MRC1: variants seen among roughly 807,000 people sequenced by gnomAD.
MRC1 encodes the protein macrophage mannose receptor 1.
A neutral mutation model predicts 102.9 loss-of-function variants in MRC1; 62 were observed. That is an observed-to-expected ratio of 0.60 (90% CI 0.49 to 0.74). The LOEUF (loss-of-function observed/expected upper bound fraction) is 0.74. MRC1 is among the 30% of genes least tolerant of loss of function. The pLI is 0.00. For synonymous variants in MRC1, 457 were observed against 298.4 expected (o/e 1.53, Z -5.48); for missense variants, 1,237 against 862.8 (o/e 1.43, Z -5.43).
chr10:17,831,573 CAGTTAAGAGTTACAA>C lies in MRC1; in HGVS notation c.638-2101_638-2087del, dbSNP rs1427649578. Among the ~76,000 whole-genome samples the C allele has an allele frequency of 4.8e-3, 732 of 151,432 alleles. 33 individuals carry two copies. The highest frequency in any genetic ancestry group is 0.017 in the African/African-American group (690 of 40,806). On this transcript the variant is annotated intron_variant, in intron 3 of 29. Coordinates refer to ENST00000569591, the MANE Select transcript of MRC1 (RefSeq NM_002438.4). Reference sequence around the variant, plus strand: ...ATCAGATATAAAGGGCAATTAGATACAGTTAAGAGTTACAAGAGTGTAGGCTATGTGCTTATGGAA... The same window carrying C: ...ATCAGATATAAAGGGCAATTAGATACGAGTGTAGGCTATGTGCTTATGGAA...
intron 5 of MRC1, chr10:17,845,016 A>C: frequency 1.4e-6 from 1 of 689,940 alleles, no homozygotes; most frequent in Non-Finnish European, 2.8e-6. Context: ...GTGTAGCTTT[A>C]TTAGCTGATA....
chr10:17,902,229 T>G lies in MRC1; in HGVS notation c.3799+107T>G. On this transcript the variant is annotated intron_variant, in intron 26 of 29. Coordinates refer to ENST00000569591, the MANE Select transcript of MRC1 (RefSeq NM_002438.4). ...AATGTAAAAATACCTGTTTATATTT[T>G]TAATGATTTATTTTATAACAGAATG... 6.1e-6 allele frequency: 4 copies of G among 659,070 alleles called. No homozygotes were observed. In the South Asian group the frequency reaches 8.0e-5, roughly 13 times the overall value. 40.8% of individuals were successfully genotyped at this position (659,070 alleles called of 1,614,324 possible). A position where few individuals can be genotyped will look rare whatever the true frequency, so the allele number is the denominator to read the frequency against.
chr10:17,885,583 G>A (rs1833581075), intron 22 of MRC1, 148 bp downstream of exon 22: 2 of 661,636 alleles, frequency 3.0e-6, no homozygotes, highest in Non-Finnish European at 5.5e-6. Context: ...AGACTGAGCT[G>A]ACTTTGAGAG....
At chr10:17,857,357 C>G (rs1430864692) in intron 9 of MRC1, among the ~76,000 whole-genome samples, 1 of 152,200 alleles carries the variant, frequency 6.6e-6, no homozygotes, top group Non-Finnish European at 1.5e-5. Context: ...TATTCTTTGC[C>G]TGATCATATG....
chr10:17,842,539 A>G (rs1297280096), intron 5 of MRC1, among the ~76,000 whole-genome samples: 2 of 152,200 alleles, frequency 1.3e-5, no homozygotes, highest in Admixed American at 6.5e-5. Context: ...ACTTACTGCA[A>G]GGGAATACAT....
chr10:17,908,725 T>G (rs999118429), intron 28 of MRC1, among the ~76,000 whole-genome samples: 24 of 152,106 alleles, frequency 1.6e-4, no homozygotes, highest in Admixed American at 1.6e-3. Flanking sequence ...CACGCCACTA[T>G]GCCCAGCTAA....
chr10:17,843,341 A>G (rs1308537581), intron 5 of MRC1, among the ~76,000 whole-genome samples: 2 of 151,976 alleles, frequency 1.3e-5, no homozygotes, highest in Non-Finnish European at 2.9e-5. Flanking sequence ...CTTATTACTA[A>G]CTTTATGATA....
At chr10:17,903,893 T>C (rs1022906967) in intron 26 of MRC1, among the ~76,000 whole-genome samples, 2 of 151,900 alleles carry the variant, frequency 1.3e-5, no homozygotes, top group African/African-American at 2.4e-5. Context: ...GAGGTGGAGG[T>C]TGCAGTGAGC....
In MRC1 at chr10:17,865,173, G is replaced by A. The variant is rs1008765485; in HGVS notation, c.1784-1389G>A. 3.9e-3 allele frequency among the ~76,000 whole-genome samples: 587 copies of A among 152,278 alleles called. 2 individuals carry two copies. Among genetic ancestry groups the A allele is most frequent in the Admixed American group, 7.8e-3 (120 of 15,288 alleles). Reference sequence around the variant, plus strand: ...GAAAAGCTAAAAAATAATAGCTCGAGTCTATCAATTTACTACCTGACCTAA... The same window carrying A: ...GAAAAGCTAAAAAATAATAGCTCGAATCTATCAATTTACTACCTGACCTAA... On this transcript the variant is annotated intron_variant, in intron 11 of 29. Transcript: ENST00000569591.
In MRC1 at chr10:17,872,501, A is replaced by G. The variant is rs893805097; in HGVS notation, c.2344+375A>G. Among the ~76,000 whole-genome samples, 12 of 152,208 alleles carry G rather than the reference A, an allele frequency of 7.9e-5. No homozygotes were observed. In the East Asian group the frequency reaches 2.1e-3, roughly 27 times the overall value. On this transcript the variant is annotated intron_variant, in intron 15 of 29. Transcript: ENST00000569591. ...ACCTTCTGACCTACGTTAATCATCA[A>G]ATAGTTGAACATTTCCCCAAGTCTG...
intron 1 of MRC1, among the ~76,000 whole-genome samples, chr10:17,819,434 T>G (rs1838362103): frequency 6.7e-6 from 1 of 150,150 alleles, no homozygotes; most frequent in South Asian, 2.1e-4. Flanking sequence ...TTAGGGTATA[T>G]GTATGAATTC....
intron 23 of MRC1, 89 bp downstream of exon 23, chr10:17,894,401 T>TC: frequency 3.0e-6 from 2 of 677,562 alleles, no homozygotes; most frequent in Non-Finnish European, 5.2e-6. Context: ...TTTCTTTTTT[T>TC]TTTTTTTTTT....
At chr10:17,838,096 C>T (rs1838696518) in intron 4 of MRC1, among the ~76,000 whole-genome samples, 1 of 152,060 alleles carries the variant, frequency 6.6e-6, no homozygotes, top group Non-Finnish European at 1.5e-5. Flanking sequence ...AGGAAACTTG[C>T]TTAATGCCTC....
At chr10:17,879,941 G>C (rs1833490826) in intron 19 of MRC1, 120 bp downstream of exon 19, 2 of 760,122 alleles carry the variant, frequency 2.6e-6, no homozygotes, top group Non-Finnish European at 4.9e-6. Flanking sequence ...GAGAATAAAG[G>C]AGAATTCTAA....
chr10:17,848,110 A>T (rs1313137297), intron 6 of MRC1, among the ~76,000 whole-genome samples: 1 of 152,106 alleles, frequency 6.6e-6, no homozygotes, highest in African/African-American at 2.4e-5. Context: ...GATACTCTCC[A>T]CCTTTAAGGG....
chr10:17,814,522 C>G (rs1026247845), intron 1 of MRC1, among the ~76,000 whole-genome samples: 5,983 of 152,010 alleles, frequency 0.039, 151 homozygotes, highest in Non-Finnish European at 0.049. Flanking sequence ...GAAGTAGAGG[C>G]TAGAATGGCT....
chr10:17,816,171 G>C (rs1838309036), intron 1 of MRC1, among the ~76,000 whole-genome samples: 1 of 152,198 alleles, frequency 6.6e-6, no homozygotes, highest in South Asian at 2.1e-4. Context: ...TAGGTGCAGG[G>C]TAAATATTTG....
intron 22 of MRC1, among the ~76,000 whole-genome samples, chr10:17,890,489 T>C (rs1330940920): frequency 6.6e-6 from 1 of 152,368 alleles, no homozygotes; most frequent in African/African-American, 2.4e-5. Context: ...AAGGTGTTTT[T>C]GATGTCTAGA....
At chr10:17,889,624 T>C (rs1296934864) in intron 22 of MRC1, among the ~76,000 whole-genome samples, 11 of 152,200 alleles carry the variant, frequency 7.2e-5, no homozygotes, top group Admixed American at 6.5e-4. Context: ...GCAGTATATA[T>C]TTACAACTAA....
Sources: gnomAD v4.1 joint callset for allele counts (sites outside exome capture counted in the v4.1 genomes callset) on GRCh38, gnomAD v4.1.1 for gene constraint, MANE v1.5 for transcripts, NCBI Gene and HGNC (gene_info 2026-07-23, HGNC 2026-07-21) for gene names.